The following NBPF8 variants were observed in gnomAD, a reference collection of about 807,000 sequenced individuals.
NBPF8 encodes NBPF member 8, also known as NBPF family member NBPF8.
intron 1 of NBPF8, among the ~76,000 whole-genome samples, chr1:120,421,249 C>T (rs1450938057): frequency 4.6e-5 from 7 of 152,204 alleles, no homozygotes; most frequent in East Asian, 1.9e-4. Context: ...TACAGTAGTG[C>T]GTCTGTCTCC....
intron 3 of NBPF8, among the ~76,000 whole-genome samples, chr1:120,429,451 C>T (rs1660812769): frequency 3.3e-5 from 5 of 152,122 alleles, no homozygotes; most frequent in Non-Finnish European, 7.3e-5. Context: ...GCGGGAGATG[C>T]TGCATGGATT....
chr1:120,460,957 A>G (rs1570944600), intron 18 of NBPF8, among the ~76,000 whole-genome samples: 1 of 151,772 alleles, frequency 6.6e-6, no homozygotes, highest in African/African-American at 2.4e-5. Context: ...GAGCACAAAT[A>G]CAGAGTGTCC....
intron 18 of NBPF8, among the ~76,000 whole-genome samples, 195 bp downstream of exon 16, chr1:120,460,819 A>G (rs1394636999): frequency 6.6e-6 from 1 of 151,984 alleles, no homozygotes; most frequent in African/African-American, 2.4e-5. Flanking sequence ...ATCATTTACT[A>G]ACCTAGTGAA....
upstream of NBPF8, among the ~76,000 whole-genome samples, chr1:120,419,201 A>G (rs1660505814): frequency 6.6e-6 from 1 of 152,268 alleles, no homozygotes; most frequent in Admixed American, 6.5e-5. Context: ...ACCTGACATA[A>G]AAGGAAATGT....
chr1:120,418,555 T>A (rs1343490918), upstream of NBPF8, among the ~76,000 whole-genome samples: 1 of 150,300 alleles, frequency 6.7e-6, no homozygotes, highest in African/African-American at 2.5e-5. Context: ...ATCGAACAAT[T>A]TTTTTTTTTT....
upstream of NBPF8, among the ~76,000 whole-genome samples, chr1:120,415,144 G>C (rs1660394011): frequency 6.6e-6 from 1 of 152,178 alleles, no homozygotes; most frequent in South Asian, 2.1e-4. Flanking sequence ...GTGAGCATCT[G>C]AGTGAACGCG....
At chr1:120,431,614 A>G (rs2101572719), upstream of NBPF8, among the ~76,000 whole-genome samples, 1 of 151,166 alleles carries the variant, frequency 6.6e-6, no homozygotes, top group Middle Eastern at 3.4e-3. Flanking sequence ...GGCTAAAATT[A>G]AAAAGGCTGA....
intron 12 of NBPF8, among the ~76,000 whole-genome samples, chr1:120,451,842 T>C (rs1239216983): frequency 6.6e-6 from 1 of 150,862 alleles, no homozygotes; most frequent in African/African-American, 2.4e-5. Context: ...GGATGTCTTT[T>C]TGAAATGGAA....
At position 120,460,558 on chromosome 1, in the gene NBPF8, T is replaced by C. The variant is rs1412550891; in HGVS notation, n.2785-15T>C. On this transcript the variant is annotated splice_polypyrimidine_tract_variant and intron_variant and non_coding_transcript_variant, in intron 17 of 24. Coordinates refer to ENST00000583271, the Ensembl canonical transcript of NBPF8. The stretch of plus-strand genomic sequence containing the variant: ...ACTGCTTAATGTAAGAGGGCCCATA[T>C]GAATTTATTTGCAGGACATCGGTGG... 15 of 1,404,204 alleles carry C rather than the reference T, an allele frequency of 1.1e-5. 1 individual carries two copies. In the South Asian group the frequency reaches 1.6e-4, roughly 15 times the overall value. 87.0% of individuals were successfully genotyped at this position (1,404,204 alleles called of 1,614,324 possible). A position where few individuals can be genotyped will look rare whatever the true frequency, so the allele number is the denominator to read the frequency against.
chr1:120,457,764 A>G, intron 16 of NBPF8, among the ~76,000 whole-genome samples: 1 of 64,708 alleles, frequency 1.5e-5, no homozygotes, highest in Non-Finnish European at 2.7e-5. Flanking sequence ...CATACACACA[A>G]AAAATAATAA....
chr1:120,465,772 CTG>C (rs1661725901), intron 24 of NBPF8, among the ~76,000 whole-genome samples: 3 of 151,748 alleles, frequency 2.0e-5, no homozygotes, highest in Non-Finnish European at 2.9e-5. Context: ...GTCTCTGTCT[CTG>C]TCTCTCTCTC....
At chr1:120,450,120 A>T (rs1271038861) in intron 11 of NBPF8, among the ~76,000 whole-genome samples, 1 of 152,120 alleles carries the variant, frequency 6.6e-6, no homozygotes, top group African/African-American at 2.4e-5. Context: ...ACCCCTGCTC[A>T]GGAGGCTGAG....
At chr1:120,429,443 G>A (rs1274943758) in intron 3 of NBPF8, among the ~76,000 whole-genome samples, 15 of 152,084 alleles carry the variant, frequency 9.9e-5, no homozygotes, top group Non-Finnish European at 2.1e-4. Context: ...AGGTCATGGC[G>A]GGAGATGCTG....
At position 120,454,128 on chromosome 1, in the gene NBPF8, T is replaced by C. The variant is rs1178553225; in HGVS notation, n.2568+14T>C. On this transcript the variant is annotated intron_variant and non_coding_transcript_variant, in intron 15 of 24. Transcript: ENST00000583271. Reference sequence around the variant, plus strand: ...ACATTATTCCAGGTAGCCTCTGTTTTCCTTGTGTCTCATACCTCTCTCTAG... The same window carrying C: ...ACATTATTCCAGGTAGCCTCTGTTTCCCTTGTGTCTCATACCTCTCTCTAG... 9 of 1,611,732 alleles carry C rather than the reference T, an allele frequency of 5.6e-6. No individual in the cohort carries two copies. Among genetic ancestry groups the C allele is most frequent in the Non-Finnish European group, 7.6e-6 (9 of 1,179,282 alleles).
chr1:120,415,828 T>C (rs1570920315), upstream of NBPF8, among the ~76,000 whole-genome samples: 2 of 152,090 alleles, frequency 1.3e-5, no homozygotes, highest in African/African-American at 4.8e-5. Flanking sequence ...TTCCGGTAGG[T>C]TGGATTGTGG....
At chr1:120,468,485 G>GAGAT (rs1661810915), downstream of NBPF8, among the ~76,000 whole-genome samples, 1 of 140,134 alleles carries the variant, frequency 7.1e-6, no homozygotes, top group African/African-American at 2.8e-5. Context: ...GAGTTTTTAG[G>GAGAT]AGATATTGTC....
exon 13 of NBPF8, chr1:120,452,228 C>G (rs1661298586): frequency 7.8e-7 from 1 of 1,276,868 alleles, no homozygotes; most frequent in Non-Finnish European, 1.1e-6. Context: ...TCCAGGCCCT[C>G]CTCACTCCGG....
intron 11 of NBPF8, among the ~76,000 whole-genome samples, chr1:120,450,463 A>C (rs1661235940): frequency 6.6e-6 from 1 of 152,042 alleles, no homozygotes; most frequent in African/African-American, 2.4e-5. Context: ...ACCTGTTCAG[A>C]GGGTACTACA....
chr1:120,460,720 C>G (rs1486462698), intron 18 of NBPF8, 96 bp downstream of exon 16: 2 of 946,660 alleles, frequency 2.1e-6, no homozygotes, highest in Admixed American at 3.5e-5. Flanking sequence ...ATGATTTTGT[C>G]TTGTCAGACA....
Sources: allele counts gnomAD v4.1 joint callset (sites outside exome capture counted in the v4.1 genomes callset), GRCh38; gene constraint gnomAD v4.1.1; transcripts MANE v1.5; gene names NCBI Gene and HGNC (gene_info 2026-07-23, HGNC 2026-07-21).